FRMPD3: variants seen among roughly 807,000 people sequenced by gnomAD.
The protein encoded by FRMPD3 is FERM and PDZ domain containing 3.
In FRMPD3, 42 loss-of-function variants were observed where a neutral mutation model predicts 97.9. The ratio of observed to expected loss-of-function variants is 0.43; its 90% CI spans 0.34 to 0.55. The LOEUF (loss-of-function observed/expected upper bound fraction) is 0.55, where lower values mean the gene tolerates loss of function less well. Ranked by LOEUF, FRMPD3 falls within the 20% of genes least tolerant of loss-of-function variation. The pLI is 0.03. For missense variants in FRMPD3, 1,303 were observed against 1,457.7 expected (o/e 0.89, Z 1.73); for synonymous variants, 577 against 581.1 (o/e 0.99, Z 0.10).
At chrX:107,527,718 G>A (rs1290748963) in intron 2 of FRMPD3, among the ~76,000 whole-genome samples, 1 of 112,379 alleles carries the variant, frequency 8.9e-6, no homozygotes, top group Non-Finnish European at 1.9e-5. Flanking sequence ...GCTCAGTCAA[G>A]AGGAGCAGCC....
intron 1 of FRMPD3, among the ~76,000 whole-genome samples, chrX:107,455,913 CAAAT>C (rs1180452216): frequency 6.3e-5 from 7 of 111,373 alleles, no homozygotes; most frequent in Non-Finnish European, 9.4e-5. Flanking sequence ...GTTGACTACT[CAAAT>C]GAATGACTTC....
At chrX:107,558,752 C>T (rs1357642058) in intron 8 of FRMPD3, among the ~76,000 whole-genome samples, 10 of 111,664 alleles carry the variant, frequency 9.0e-5, no homozygotes, top group South Asian at 3.8e-4. Context: ...GCCATGATCT[C>T]GGCTCACTGC....
intron 1 of FRMPD3, 31 bp from the exon 2 acceptor site, chrX:107,526,551 T>G: frequency 8.5e-7 from 1 of 1,169,916 alleles, no homozygotes; most frequent in Non-Finnish European, 1.1e-6. Context: ...CCTGTGCATC[T>G]TGTTTTGCTC....
At chrX:107,575,897 C>T (rs772579159) in intron 12 of FRMPD3, among the ~76,000 whole-genome samples, 27 of 111,629 alleles carry the variant, frequency 2.4e-4, no homozygotes, top group Admixed American at 4.8e-4. Context: ...AGACATAGCT[C>T]TTGCACCCAA....
At chrX:107,541,185 G>A (rs762722975) in intron 4 of FRMPD3, among the ~76,000 whole-genome samples, 1 of 113,005 alleles carries the variant, frequency 8.8e-6, no homozygotes, top group Non-Finnish European at 1.9e-5. Flanking sequence ...ATTTTGACCC[G>A]GGCCTTCCCA....
chrX:107,569,154 G>A (rs748101108), intron 12 of FRMPD3, among the ~76,000 whole-genome samples: 133 of 110,575 alleles, frequency 1.2e-3, no homozygotes, highest in African/African-American at 4.3e-3. Context: ...AATTAGCCAC[G>A]CATCGTGGCG....
At position 107,486,480 on chromosome X, in the gene FRMPD3, C is replaced by T. The variant is rs756027138; in HGVS notation, c.-8+36475C>T. Reference sequence around the variant, plus strand: ...TTTTTCTGAAGGTTTTATATTTTAGCTGTTATATTTAGGTCTTTGGTCCAT... The same window carrying T: ...TTTTTCTGAAGGTTTTATATTTTAGTTGTTATATTTAGGTCTTTGGTCCAT... On this transcript the variant is annotated intron_variant, in intron 1 of 14. Coordinates refer to ENST00000683843, the MANE Select transcript of FRMPD3 (RefSeq NM_001388459.1). Among the ~76,000 whole-genome samples the T allele has an allele frequency of 9.6e-4, 108 of 112,397 alleles. 3 individuals are homozygous for T. The highest frequency in any genetic ancestry group is 9.2e-3 in the Admixed American group (98 of 10,643).
chrX:107,536,257 G>A (rs1343694824), intron 4 of FRMPD3, among the ~76,000 whole-genome samples: 1 of 111,061 alleles, frequency 9.0e-6, no homozygotes, highest in Non-Finnish European at 1.9e-5. Context: ...TTGAGAGGCT[G>A]AGGCAGGAGG....
intron 4 of FRMPD3, among the ~76,000 whole-genome samples, chrX:107,542,184 A>G (rs1921343440): frequency 8.9e-6 from 1 of 112,667 alleles, no homozygotes; most frequent in Non-Finnish European, 1.9e-5. Flanking sequence ...CTTCTGCCTC[A>G]GCCTGCAGCC....
intron 1 of FRMPD3, among the ~76,000 whole-genome samples, chrX:107,512,777 C>T (rs1439625118): frequency 8.9e-6 from 1 of 112,430 alleles, no homozygotes; most frequent in Non-Finnish European, 1.9e-5. Flanking sequence ...GCTCCAGTTC[C>T]CCCTTGCTGC....
chrX:107,565,034 G>A lies in FRMPD3; in HGVS notation c.1264G>A (p.Ala422Thr). The change falls in exon 12 of 15, where the codon GCC becomes ACC. Residue 422 changes from alanine to threonine, a missense_variant. Around this residue, in one of 3 missense-constraint regions of FRMPD3, gnomAD observed 535 missense variants for 618.6 expected, o/e 0.86. Coordinates refer to ENST00000683843, the MANE Select transcript of FRMPD3 (RefSeq NM_001388459.1). ...GCTGTTCCGGGAGAACCAGGGCGTG[G>A]CCCGGGTGGAGACCAGCATCATGGA... ...IQLFRENQGV[A>T]RVETSIMDAK... 1.4e-5 allele frequency: 17 copies of A among 1,196,783 alleles called. No individual in the cohort carries two copies. The highest frequency in any genetic ancestry group is 1.8e-5 in the Non-Finnish European group (16 of 888,135).
chrX:107,556,756 A>G (rs1378913222), intron 8 of FRMPD3, among the ~76,000 whole-genome samples: 1 of 112,203 alleles, frequency 8.9e-6, no homozygotes, highest in Admixed American at 9.5e-5. Context: ...GGCTCGGCAT[A>G]CTGATTTTGA....
At chrX:107,458,493 T>C (rs748153148) in intron 1 of FRMPD3, among the ~76,000 whole-genome samples, 20 of 111,221 alleles carry the variant, frequency 1.8e-4, no homozygotes, top group Admixed American at 2.9e-4. Flanking sequence ...GAGATTGAGA[T>C]TGTTGACTAG....
intron 1 of FRMPD3, among the ~76,000 whole-genome samples, chrX:107,493,402 T>G (rs780386929): frequency 2.7e-5 from 3 of 111,163 alleles, no homozygotes; most frequent in Non-Finnish European, 3.8e-5. Flanking sequence ...TTCTCTGGTC[T>G]GGATTAACCT....
At chrX:107,470,594 C>A (rs1034255044) in intron 1 of FRMPD3, among the ~76,000 whole-genome samples, 1 of 112,371 alleles carries the variant, frequency 8.9e-6, no homozygotes, top group Non-Finnish European at 1.9e-5. Flanking sequence ...TATATCCCAT[C>A]ACTTCTGCCA....
intron 1 of FRMPD3, among the ~76,000 whole-genome samples, chrX:107,481,458 T>C (rs1921370442): frequency 8.9e-6 from 1 of 112,317 alleles, no homozygotes; most frequent in Non-Finnish European, 1.9e-5. Flanking sequence ...AGATAGGCTT[T>C]TGACCCTCCT....
chrX:107,463,720 A>G (rs770567051), intron 1 of FRMPD3, among the ~76,000 whole-genome samples: 1 of 113,041 alleles, frequency 8.8e-6, no homozygotes, highest in African/African-American at 3.2e-5. Context: ...CAAAATTTCA[A>G]TATTAATCAC....
chrX:107,560,635 A>G (rs759800211), intron 9 of FRMPD3, 92 bp from the exon 10 acceptor site: 1 of 1,014,643 alleles, frequency 9.9e-7, no homozygotes, highest in South Asian at 2.4e-5. Context: ...CTCCATCTCT[A>G]CCTCTCAGAT....
chrX:107,490,444 C>T (rs769369515), intron 1 of FRMPD3, among the ~76,000 whole-genome samples: 15 of 111,983 alleles, frequency 1.3e-4, no homozygotes, highest in South Asian at 3.8e-4. Context: ...GCCATTTTCA[C>T]GATATTGATT....
Sources: gnomAD v4.1 joint callset for allele counts (sites outside exome capture counted in the v4.1 genomes callset) on GRCh38, gnomAD v4.1.1 for gene constraint, gnomAD v4.1.1 regional missense constraint, MANE v1.5 for transcripts, NCBI Gene and HGNC (gene_info 2026-07-23, HGNC 2026-07-21) for gene names.